Variants in ZNF618 observed in about 807,000 individuals in gnomAD.
ZNF618 encodes neural precursor cell expressed, developmentally down-regulated 10.
In ZNF618, 34 loss-of-function variants were observed where a neutral mutation model predicts 103.0. That is an observed-to-expected ratio of 0.33 (90% CI 0.25 to 0.44). The LOEUF is 0.44. Among genes scored for constraint, ZNF618 ranks in the 20% least tolerant of loss-of-function variants. The probability of loss-of-function intolerance (pLI) is 1.00; values close to 1 mark genes in which losing one functional copy is unlikely to be tolerated. For missense variants in ZNF618, 1,059 were observed against 1,295.4 expected (o/e 0.82, Z 2.80); for synonymous variants, 551 against 542.2 (o/e 1.02, Z -0.23).
intron 2 of ZNF618, 28 bp from the exon 3 acceptor site, chr9:113,988,293 G>A (rs1051092979): frequency 1.9e-6 from 3 of 1,597,216 alleles, no homozygotes; most frequent in African/African-American, 2.7e-5. Flanking sequence ...GAGGAAGAAG[G>A]TATTGAACGG....
intron 2 of ZNF618, among the ~76,000 whole-genome samples, chr9:113,977,298 T>C (rs187125206): frequency 5.6e-4 from 85 of 152,302 alleles, no homozygotes; most frequent in African/African-American, 2.0e-3. Context: ...CTTTCATTCC[T>C]AGGAGAAGAT....
At chr9:113,899,021 A>G (rs548842088) in intron 1 of ZNF618, among the ~76,000 whole-genome samples, 3 of 152,056 alleles carry the variant, frequency 2.0e-5, no homozygotes, top group Admixed American at 2.0e-4. Context: ...TGGCTGTGAG[A>G]TGGTCCCTCA....
chr9:113,988,034 A>G (rs1004082695), intron 2 of ZNF618, among the ~76,000 whole-genome samples: 3 of 152,266 alleles, frequency 2.0e-5, no homozygotes, highest in Non-Finnish European at 2.9e-5. Context: ...AAGTGAGGCA[A>G]CTGGGCACAT....
At chr9:113,876,793 C>T (rs1827987583) in intron 1 of ZNF618, among the ~76,000 whole-genome samples, 1 of 148,706 alleles carries the variant, frequency 6.7e-6, no homozygotes, top group Non-Finnish European at 1.5e-5. Flanking sequence ...GCAATTTTCC[C>T]CTGACCCTCT....
chr9:113,888,926 A>T (rs1426612986), intron 1 of ZNF618, among the ~76,000 whole-genome samples: 1 of 152,180 alleles, frequency 6.6e-6, no homozygotes, highest in African/African-American at 2.4e-5. Flanking sequence ...AACAGACAAG[A>T]GAGATTTACA....
chr9:113,915,950 T>C (rs1832032133), intron 1 of ZNF618, among the ~76,000 whole-genome samples: 1 of 152,180 alleles, frequency 6.6e-6, no homozygotes, highest in African/African-American at 2.4e-5. Flanking sequence ...ATTCGTTGAG[T>C]GAATGAATAA....
At chr9:113,952,592 A>G (rs1453621579) in intron 1 of ZNF618, among the ~76,000 whole-genome samples, 2 of 152,242 alleles carry the variant, frequency 1.3e-5, no homozygotes, top group African/African-American at 2.4e-5. Context: ...TTGGGGCCAG[A>G]TAAGCTTGGG....
At chr9:113,903,312 G>A (rs1012867267) in intron 1 of ZNF618, among the ~76,000 whole-genome samples, 2 of 152,224 alleles carry the variant, frequency 1.3e-5, no homozygotes, top group Non-Finnish European at 2.9e-5. Flanking sequence ...CCCATTTCCA[G>A]TGTGTAAGTC....
chr9:114,018,581 G>T (rs1392389304), intron 10 of ZNF618, among the ~76,000 whole-genome samples: 1 of 152,204 alleles, frequency 6.6e-6, no homozygotes, highest in Non-Finnish European at 1.5e-5. Context: ...CGGCAGGCAG[G>T]CTCCAGGCCC....
At chr9:113,952,144 G>A (rs919216996) in intron 1 of ZNF618, among the ~76,000 whole-genome samples, 3 of 152,114 alleles carry the variant, frequency 2.0e-5, no homozygotes, top group African/African-American at 2.4e-5. Flanking sequence ...CACTTGTGAA[G>A]CCAGGAAGAG....
intron 1 of ZNF618, among the ~76,000 whole-genome samples, chr9:113,914,485 T>G (rs191899636): frequency 1.3e-5 from 2 of 152,342 alleles, no homozygotes; most frequent in East Asian, 3.9e-4. Flanking sequence ...CCTCAGTGTA[T>G]GCAACAAAAT....
intron 2 of ZNF618, among the ~76,000 whole-genome samples, chr9:113,976,449 A>G (rs190799315): frequency 1.4e-4 from 22 of 152,194 alleles, no homozygotes; most frequent in African/African-American, 4.8e-4. Context: ...TGAGAAGGCA[A>G]CCCAGGAAAT....
chr9:114,036,822 A>G (rs1017575793), intron 13 of ZNF618, among the ~76,000 whole-genome samples: 54 of 152,222 alleles, frequency 3.5e-4, no homozygotes, highest in African/African-American at 1.3e-3. Flanking sequence ...AGTCTCATTC[A>G]CTAACACCCT....
intron 14 of ZNF618, among the ~76,000 whole-genome samples, chr9:114,048,354 G>A (rs1271513312): frequency 6.6e-6 from 1 of 152,136 alleles, no homozygotes; most frequent in Non-Finnish European, 1.5e-5. Context: ...CTGTATTGAG[G>A]AAGAAATTAG....
intron 2 of ZNF618, among the ~76,000 whole-genome samples, chr9:113,983,443 C>T (rs774020137): frequency 5.9e-5 from 9 of 152,104 alleles, no homozygotes; most frequent in Admixed American, 4.6e-4. Context: ...GGCAAGGACT[C>T]GGGGGCATCA....
intron 13 of ZNF618, 27 bp downstream of exon 13, chr9:114,036,404 C>CT (rs1564332136): frequency 6.4e-7 from 1 of 1,555,500 alleles, no homozygotes; most frequent in African/African-American, 1.4e-5. Context: ...TTCTCTCCCC[C>CT]TCTCCTTCCT....
rs1564207925 is a variant in ZNF618 at position 113,951,538 on chromosome 9, C to CACATGTACACATATGTGTAT, written c.34-17578_34-17577insCATGTACACATATGTGTATA. On this transcript the variant is annotated intron_variant, in intron 1 of 14. Transcript: ENST00000374126. Reference sequence around the variant, plus strand: ...GTGTATATGTACACATATGTGTGTACATATGTACACATATGTGTGTGTATA... The same window carrying CACATGTACACATATGTGTAT: ...GTGTATATGTACACATATGTGTGTACACATGTACACATATGTGTATATATGTACACATATGTGTGTGTATA... Among the ~76,000 whole-genome samples the CACATGTACACATATGTGTAT allele has an allele frequency of 7.6e-3, 411 of 54,324 alleles. 23 individuals are homozygous for CACATGTACACATATGTGTAT. The highest frequency in any genetic ancestry group is 9.6e-3 in the Non-Finnish European group (263 of 27,404). The allele number at this position is 54,324 out of a possible 152,430, so 35.6% of individuals were successfully genotyped here.
chr9:114,054,301 G>A lies in ZNF618; in HGVS notation c.*4134G>A, dbSNP rs13302015. 53,224 of 152,010 alleles carry A rather than the reference G, an allele frequency of 0.35. 10,382 individuals carry two copies. Among genetic ancestry groups the A allele is most frequent in the Non-Finnish European group, 0.44 (29,565 of 67,934 alleles). The allele number at this position is 152,010 out of a possible 1,614,324, so 9.4% of individuals were successfully genotyped here. A position where few individuals can be genotyped will look rare whatever the true frequency, so the allele number is the denominator to read the frequency against. On this transcript the variant is annotated 3_prime_UTR_variant, in exon 15 of 15. Transcript: ENST00000374126. The stretch of plus-strand genomic sequence containing the variant: ...CAGGGTCATTGGGAAGGTTTGAAAT[G>A]AAGATGGGATGTGGCTGGAACAGCC...
intron 1 of ZNF618, among the ~76,000 whole-genome samples, chr9:113,935,474 C>T (rs1348410387): frequency 6.6e-6 from 1 of 152,166 alleles, no homozygotes; most frequent in Non-Finnish European, 1.5e-5. Context: ...CACCTGCACC[C>T]CACCTGGCCC....
Sources: allele counts gnomAD v4.1 joint callset (sites outside exome capture counted in the v4.1 genomes callset), GRCh38; gene constraint gnomAD v4.1.1; transcripts MANE v1.5; gene names NCBI Gene and HGNC (gene_info 2026-07-23, HGNC 2026-07-21).